HS6ST3: variants seen among roughly 807,000 people sequenced by gnomAD.
HS6ST3 encodes the protein heparan-sulfate 6-O-sulfotransferase 3.
Under a neutral mutation model 36.7 loss-of-function variants are expected in HS6ST3, and 12 were observed. The ratio of observed to expected loss-of-function variants is 0.33; its 90% CI spans 0.21 to 0.53. HS6ST3 has a LOEUF of 0.53. HS6ST3 is among the 20% of genes least tolerant of loss of function. The pLI is 0.95. For missense variants in HS6ST3, 584 were observed against 640.9 expected (o/e 0.91, Z 0.96); for synonymous variants, 240 against 257.5 (o/e 0.93, Z 0.65).
chr13:96,756,581 G>C (rs191342416), intron 1 of HS6ST3, among the ~76,000 whole-genome samples: 2 of 152,040 alleles, frequency 1.3e-5, no homozygotes, highest in Non-Finnish European at 2.9e-5. Flanking sequence ...TTTAATCTGT[G>C]GATCCATTTG....
intron 1 of HS6ST3, among the ~76,000 whole-genome samples, chr13:96,321,654 T>C (rs1783382110): frequency 1.3e-5 from 2 of 152,212 alleles, no homozygotes; most frequent in South Asian, 2.1e-4. Flanking sequence ...CAGCATAAAT[T>C]CCATAGTTGG....
At chr13:96,481,201 G>C (rs1166919406) in intron 1 of HS6ST3, among the ~76,000 whole-genome samples, 2 of 152,184 alleles carry the variant, frequency 1.3e-5, no homozygotes, top group African/African-American at 2.4e-5. Flanking sequence ...AAGATGAACT[G>C]TCTAAAATCA....
intron 1 of HS6ST3, among the ~76,000 whole-genome samples, chr13:96,409,892 A>G (rs2055498614): frequency 6.6e-6 from 1 of 152,206 alleles, no homozygotes; most frequent in Non-Finnish European, 1.5e-5. Flanking sequence ...GCAAGCTTGA[A>G]AAGAAAGATT....
rs767752079 is a variant in HS6ST3, at chr13:96,832,470, C to T, written c.708-20C>T. On this transcript the variant is annotated intron_variant, in intron 1 of 1. Coordinates refer to ENST00000376705, the MANE Select transcript of HS6ST3 (RefSeq NM_153456.4). ...GTTAGAGTTGTCAACTACTGATGCTCTTCCTCTAATTTCTTCTAGGAATTT... is the reference window on the plus strand; with the variant it reads ...GTTAGAGTTGTCAACTACTGATGCTTTTCCTCTAATTTCTTCTAGGAATTT... 8 of 1,514,022 alleles carry T rather than the reference C, an allele frequency of 5.3e-6. No homozygotes were observed. Among genetic ancestry groups the T allele is most frequent in the African/African-American group, 1.4e-5 (1 of 71,828 alleles). The allele number at this position is 1,514,022 out of a possible 1,614,324, so 93.8% of individuals were successfully genotyped here.
Position 96,098,591 on chromosome 13 carries a change from G to A in HS6ST3, c.707+7022G>A, listed in dbSNP as rs936932780. ...ATCCCAGAACTCTGGGAGGCCAGGG[G>A]TAGGTGGGTCTCTTGAGCCCAGGAG... On this transcript the variant is annotated intron_variant, in intron 1 of 1. Transcript: ENST00000376705. 2.0e-5 allele frequency among the ~76,000 whole-genome samples: 3 copies of A among 152,178 alleles called. No homozygotes were observed. The East Asian group carries it at 5.8e-4, about 29-fold the overall frequency.
At chr13:96,541,961 G>A (rs2056180131) in intron 1 of HS6ST3, among the ~76,000 whole-genome samples, 1 of 152,174 alleles carries the variant, frequency 6.6e-6, no homozygotes, top group Non-Finnish European at 1.5e-5. Flanking sequence ...GTTTAGCATA[G>A]TGTACATTTT....
rs1379835015 is a variant in HS6ST3 at position 96,090,625 on chromosome 13, G to T, written c.-238G>T. ...CACCCGGGAGCGCAGGGCGCCCCAC[G>T]CCGCAGCCGCAGCCGAGCGCGCCGG... On this transcript the variant is annotated 5_prime_UTR_variant, in exon 1 of 2. Coordinates refer to ENST00000376705, the MANE Select transcript of HS6ST3 (RefSeq NM_153456.4). Among the ~76,000 whole-genome samples the T allele has an allele frequency of 6.9e-6, 1 of 145,844 alleles. No individual in the cohort carries two copies. Among genetic ancestry groups the T allele is most frequent in the African/African-American group, 2.5e-5 (1 of 40,590 alleles).
At chr13:96,543,133 A>T (rs1196579463) in intron 1 of HS6ST3, among the ~76,000 whole-genome samples, 1 of 152,168 alleles carries the variant, frequency 6.6e-6, no homozygotes, top group Middle Eastern at 3.2e-3. Context: ...ATGAACAGAA[A>T]GGAATTTATT....
intron 1 of HS6ST3, among the ~76,000 whole-genome samples, chr13:96,170,357 G>A (rs530196322): frequency 2.0e-5 from 3 of 152,334 alleles, no homozygotes; most frequent in South Asian, 4.1e-4. Context: ...GCTAGGATTC[G>A]AATCTGGGCT....
intron 1 of HS6ST3, among the ~76,000 whole-genome samples, chr13:96,442,687 G>A (rs149494304): frequency 5.4e-4 from 82 of 151,994 alleles, no homozygotes; most frequent in African/African-American, 1.9e-3. Context: ...CACACCTAGG[G>A]AGACCAGATG....
At chr13:96,738,016 C>A (rs553735769) in intron 1 of HS6ST3, among the ~76,000 whole-genome samples, 1 of 152,158 alleles carries the variant, frequency 6.6e-6, no homozygotes. Context: ...ATTTTAAGAT[C>A]GTTACATTAT....
At chr13:96,642,161 G>A (rs72643872) in intron 1 of HS6ST3, among the ~76,000 whole-genome samples, 11,651 of 151,620 alleles carry the variant, frequency 0.077, 528 homozygotes, top group East Asian at 0.13. Flanking sequence ...AAAGTTTTTG[G>A]TTGCTAGTTT....
At chr13:96,322,514 A>G (rs1204692023) in intron 1 of HS6ST3, among the ~76,000 whole-genome samples, 1 of 152,100 alleles carries the variant, frequency 6.6e-6, no homozygotes, top group African/African-American at 2.4e-5. Context: ...CCGAGATTGT[A>G]CTAGTGTACT....
In HS6ST3 at chr13:96,612,441, T is replaced by C. The variant is rs572368291; in HGVS notation, c.708-220049T>C. Among the ~76,000 whole-genome samples the C allele has an allele frequency of 2.0e-5, 3 of 152,254 alleles. No homozygotes were observed. In the East Asian group the frequency reaches 5.8e-4, roughly 30 times the overall value. On this transcript the variant is annotated intron_variant, in intron 1 of 1. Coordinates refer to ENST00000376705, the MANE Select transcript of HS6ST3 (RefSeq NM_153456.4). ...CCCTAACTTATGTGTCCTCACTCAT[T>C]TCCCAATTTCATGGCTCATAAAGTT...
At position 96,343,901 on chromosome 13, in the gene HS6ST3, C is replaced by T. The variant is rs1470698692; in HGVS notation, c.707+252332C>T. On this transcript the variant is annotated intron_variant, in intron 1 of 1. Coordinates refer to ENST00000376705, the MANE Select transcript of HS6ST3 (RefSeq NM_153456.4). The stretch of plus-strand genomic sequence containing the variant: ...GGGATTATAGGCGCGTGCCACTACG[C>T]CTGGTTAATTTTTTGTATTTTTAGT... Among the ~76,000 whole-genome samples, 3 of 152,096 alleles carry T rather than the reference C, an allele frequency of 2.0e-5. No individual in the cohort carries two copies. The East Asian group carries it at 5.8e-4, about 29-fold the overall frequency.
chr13:96,530,528 G>T (rs1209631077), intron 1 of HS6ST3, among the ~76,000 whole-genome samples: 1 of 148,732 alleles, frequency 6.7e-6, no homozygotes, highest in African/African-American at 2.5e-5. Flanking sequence ...TTGGAAACAG[G>T]TACTCACTTT....
chr13:96,643,091 T>C (rs2056575880), intron 1 of HS6ST3, among the ~76,000 whole-genome samples: 1 of 152,054 alleles, frequency 6.6e-6, no homozygotes, highest in Admixed American at 6.6e-5. Context: ...TAGTGACTTT[T>C]CTGAGTAAAT....
intron 1 of HS6ST3, among the ~76,000 whole-genome samples, chr13:96,275,408 C>T (rs2054743044): frequency 1.3e-5 from 2 of 152,174 alleles, no homozygotes; most frequent in African/African-American, 4.8e-5. Flanking sequence ...GTTTATACAA[C>T]TAGATGGCAA....
At chr13:96,497,477 A>AT (rs1438858679) in intron 1 of HS6ST3, among the ~76,000 whole-genome samples, 1 of 152,162 alleles carries the variant, frequency 6.6e-6, no homozygotes. Context: ...AAATCAATCC[A>AT]TTTTTATGTA....
Sources: allele counts gnomAD v4.1 joint callset (sites outside exome capture counted in the v4.1 genomes callset), GRCh38; gene constraint gnomAD v4.1.1; transcripts MANE v1.5; gene names NCBI Gene and HGNC (gene_info 2026-07-23, HGNC 2026-07-21).